The following PLB1 variants were observed in gnomAD, a reference collection of about 807,000 sequenced individuals.
The protein encoded by PLB1 is phospholipase B1, also known as phospholipase B1, membrane-associated.
In PLB1, 242 loss-of-function variants were observed where a neutral mutation model predicts 227.4. The ratio of observed to expected loss-of-function variants is 1.06; its 90% CI spans 0.96 to 1.18. The LOEUF is 1.18. Among genes scored for constraint, PLB1 ranks in the 50% most tolerant of loss-of-function variants. The pLI, the probability that PLB1 is intolerant of heterozygous loss-of-function variation, is 0.00. For synonymous variants in PLB1, 757 were observed against 682.2 expected, an observed-to-expected ratio of 1.11 and a Z score of -1.71; for missense variants, 1,858 against 1,816.3, an observed-to-expected ratio of 1.02 and a Z score of -0.42.
intron 44 of PLB1, among the ~76,000 whole-genome samples, chr2:28,615,288 C>T (rs1230647751): frequency 6.6e-6 from 1 of 152,078 alleles, no homozygotes; most frequent in African/African-American, 2.4e-5. Flanking sequence ...AGCCAGATCA[C>T]ACAAAGCCTG....
At chr2:28,589,263 G>A (rs941249669) in intron 26 of PLB1, among the ~76,000 whole-genome samples, 187 bp from the exon 27 acceptor site, 1 of 152,192 alleles carries the variant, frequency 6.6e-6, no homozygotes, top group Non-Finnish European at 1.5e-5. Flanking sequence ...GGGGCCAGGG[G>A]TTGAGATAAA....
intron 24 of PLB1, 121 bp downstream of exon 24, chr2:28,582,254 C>G: frequency 7.9e-7 from 1 of 1,267,268 alleles, no homozygotes; most frequent in Non-Finnish European, 1.1e-6. Flanking sequence ...AGCCCAAATG[C>G]ATAGAGGGGG....
chr2:28,519,147 C>T (rs1231153219), intron 3 of PLB1, among the ~76,000 whole-genome samples: 1 of 152,086 alleles, frequency 6.6e-6, no homozygotes. Context: ...TCAGTGATTT[C>T]TAGGGAGACT....
chr2:28,547,258 C>G lies in PLB1; in HGVS notation c.937-1602C>G, dbSNP rs554053021. 3.5e-3 allele frequency among the ~76,000 whole-genome samples: 529 copies of G among 149,682 alleles called. 2 individuals are homozygous for G. Among genetic ancestry groups the G allele is most frequent in the South Asian group, 8.7e-3 (41 of 4,722 alleles). On this transcript the variant is annotated intron_variant, in intron 14 of 57. Coordinates refer to ENST00000327757, the MANE Select transcript of PLB1 (RefSeq NM_153021.5). ...GGGAAGAGAAGGTGGCAAGACAGAT[C>G]AGCACCTGGCCCTCACCCAGGCCTG...
intron 18 of PLB1, among the ~76,000 whole-genome samples, chr2:28,564,604 G>A (rs989232348): frequency 2.0e-5 from 3 of 152,142 alleles, no homozygotes; most frequent in Non-Finnish European, 4.4e-5. Context: ...GGGGTTCCTA[G>A]GGAGGCAGCA....
chr2:28,516,143 C>T (rs954872589), intron 1 of PLB1, among the ~76,000 whole-genome samples: 3 of 152,144 alleles, frequency 2.0e-5, no homozygotes, highest in Non-Finnish European at 4.4e-5. Flanking sequence ...TACGTGTACA[C>T]TTAAAATGAA....
chr2:28,573,885 TACACGTGAC>T (rs1678445271), intron 21 of PLB1, among the ~76,000 whole-genome samples: 1 of 152,234 alleles, frequency 6.6e-6, no homozygotes, highest in East Asian at 1.9e-4. Flanking sequence ...GTAAATAGTG[TACACGTGAC>T]ACACGTTGGT....
chr2:28,592,254 C>T (rs1024899919), intron 31 of PLB1, among the ~76,000 whole-genome samples: 5 of 152,152 alleles, frequency 3.3e-5, no homozygotes, highest in Admixed American at 6.5e-5. Flanking sequence ...TCAGGTCCTG[C>T]ACCTCGTCTT....
At chr2:28,606,387 C>A in intron 42 of PLB1, 109 bp from the exon 43 acceptor site, 2 of 1,113,206 alleles carry the variant, frequency 1.8e-6, no homozygotes, top group Non-Finnish European at 2.6e-6. Context: ...GAGCCAAGCC[C>A]CCTGAAATCG....
At chr2:28,636,756 A>G (rs917983212) in intron 56 of PLB1, among the ~76,000 whole-genome samples, 2 of 152,198 alleles carry the variant, frequency 1.3e-5, no homozygotes, top group African/African-American at 2.4e-5. Flanking sequence ...ACAAACTTCA[A>G]CAACATACAA....
intron 4 of PLB1, among the ~76,000 whole-genome samples, chr2:28,524,844 C>CTTTTTT (rs779955635): frequency 2.3e-4 from 25 of 106,578 alleles, no homozygotes; most frequent in African/African-American, 4.3e-4. Context: ...CTCTCTCTCT[C>CTTTTTT]TTTTTTTTTT....
rs781592282 is a variant in PLB1, at chr2:28,539,821, GGGA to G, written c.699-535_699-533del. On this transcript the variant is annotated intron_variant, in intron 11 of 57. Coordinates refer to ENST00000327757, the MANE Select transcript of PLB1 (RefSeq NM_153021.5). ...TGTCTGGTGTGAAGAACAGTGAGCG[GGGA>G]GGAGGAGGACTGAGAGATGAAGGGG... 3.3e-5 allele frequency among the ~76,000 whole-genome samples: 5 copies of G among 152,006 alleles called. No individual in the cohort carries two copies. The East Asian group carries it at 9.7e-4, about 29-fold the overall frequency.
chr2:28,636,891 A>G (rs1009961546), intron 56 of PLB1, among the ~76,000 whole-genome samples: 1 of 152,222 alleles, frequency 6.6e-6, no homozygotes, highest in East Asian at 1.9e-4. Context: ...TTTGAGGACT[A>G]TAATAGTCTG....
At chr2:28,576,036 G>A (rs1000084804) in intron 21 of PLB1, among the ~76,000 whole-genome samples, 1 of 152,184 alleles carries the variant, frequency 6.6e-6, no homozygotes, top group Non-Finnish European at 1.5e-5. Flanking sequence ...ATCCAAGAAT[G>A]AAACCTTAGA....
intron 14 of PLB1, among the ~76,000 whole-genome samples, chr2:28,545,468 A>G (rs964700310): frequency 8.5e-5 from 13 of 152,206 alleles, no homozygotes; most frequent in Non-Finnish European, 1.2e-4. Flanking sequence ...AGCGACGGGT[A>G]TAACAGGTTA....
intron 23 of PLB1, among the ~76,000 whole-genome samples, chr2:28,581,274 A>G (rs972332547): frequency 6.6e-6 from 1 of 151,892 alleles, no homozygotes; most frequent in Admixed American, 6.6e-5. Flanking sequence ...TGATTTATGT[A>G]GGGTGTGCTT....
At position 28,557,581 on chromosome 2, in the gene PLB1, T is replaced by G. The variant is rs115106309; in HGVS notation, c.1147+4590T>G. On this transcript the variant is annotated intron_variant, in intron 17 of 57. Coordinates refer to ENST00000327757, the MANE Select transcript of PLB1 (RefSeq NM_153021.5). ...TGTACAGTGGGCAGTGTCCCCATTCTACAGTCTAGTGTGCAATTTCCTTGC... is the reference window on the plus strand; with the variant it reads ...TGTACAGTGGGCAGTGTCCCCATTCGACAGTCTAGTGTGCAATTTCCTTGC... Among the ~76,000 whole-genome samples, 1,010 of 152,346 alleles carry G rather than the reference T, an allele frequency of 6.6e-3. 6 individuals carry two copies. Among genetic ancestry groups the G allele is most frequent in the African/African-American group, 0.023 (943 of 41,574 alleles).
At position 28,566,818 on chromosome 2, in the gene PLB1, GGCACCGTTA is replaced by G. The variant is rs752321727; in HGVS notation, c.1304_1312del (p.Gly435_Thr438delinsAla). 52 of 1,614,080 alleles carry G rather than the reference GGCACCGTTA, an allele frequency of 3.2e-5. No homozygotes were observed. The Admixed American group carries it at 6.5e-4, about 20-fold the overall frequency. On this transcript the variant is annotated inframe_deletion, in exon 20 of 58. Transcript: ENST00000327757. ...CAGCGTCGGCGGAGATGAGAACATC[GGCACCGTTA>G]CCACCCTGGCGAGTGAGTACGCGGC...
intron 50 of PLB1, among the ~76,000 whole-genome samples, chr2:28,626,100 A>G (rs1200798946): frequency 6.6e-6 from 1 of 150,852 alleles, no homozygotes; most frequent in Non-Finnish European, 1.5e-5. Context: ...GGTTCAAGTG[A>G]TTCTCCTGCC....
Sources: allele counts gnomAD v4.1 joint callset (sites outside exome capture counted in the v4.1 genomes callset), GRCh38; gene constraint gnomAD v4.1.1; transcripts MANE v1.5; gene names NCBI Gene and HGNC (gene_info 2026-07-23, HGNC 2026-07-21).